Variants in TSPOAP1 observed in about 807,000 individuals in gnomAD.
The protein encoded by TSPOAP1 is TSPO associated protein 1.
A neutral mutation model predicts 197.0 loss-of-function variants in TSPOAP1; 87 were observed. That is an observed-to-expected ratio of 0.44 (90% CI 0.37 to 0.53). The LOEUF (loss-of-function observed/expected upper bound fraction) is 0.53. Among genes scored for constraint, TSPOAP1 ranks in the 20% least tolerant of loss-of-function variants. The pLI is 0.00. For missense variants in TSPOAP1, 2,174 were observed against 2,411.3 expected (o/e 0.90, Z 2.06); for synonymous variants, 913 against 998.9 (o/e 0.91, Z 1.62).
rs1971051010 is a variant in TSPOAP1, at chr17:58,310,639, G to A, written c.3572C>T (p.Ala1191Val). 1 of 1,613,096 alleles carries A rather than the reference G, an allele frequency of 6.2e-7. No individual in the cohort carries two copies. Among genetic ancestry groups the A allele is most frequent in the Non-Finnish European group, 8.5e-7 (1 of 1,180,004 alleles). Residue 1191 changes from alanine to valine, a missense_variant, in exon 20 of 32, where the codon GCC (alanine) becomes GTC (valine). Ala to Val is a moderately conservative substitution (Grantham distance 64). Around this residue, in one of 5 missense-constraint regions of TSPOAP1, gnomAD observed 1,933 missense variants for 2,139.0 expected, o/e 0.90. Transcript: ENST00000343736. Reference sequence around the variant, plus strand: ...ACAGGCCTCTCCTGCAGTCCACTCGGCCTCCTGCTTGGCCAGTGAGGGAGC... The same window carrying A: ...ACAGGCCTCTCCTGCAGTCCACTCGACCTCCTGCTTGGCCAGTGAGGGAGC... ...PAAPSLAKQE[A>V]EWTAGEACPA...
chr17:58,306,971 G>A lies in TSPOAP1; in HGVS notation c.4984-3C>T, dbSNP rs1970917237. On this transcript the variant is annotated splice_polypyrimidine_tract_variant and splice_region_variant and intron_variant, in intron 24 of 31. Coordinates refer to ENST00000343736, the MANE Select transcript of TSPOAP1 (RefSeq NM_004758.4). ...TCGGCATCCTTGTCCCCAAACACCTGGAGGCAAAACCAGTGGTCTCAGCCA... is the reference window on the plus strand; with the variant it reads ...TCGGCATCCTTGTCCCCAAACACCTAGAGGCAAAACCAGTGGTCTCAGCCA... 6.2e-7 allele frequency: 1 copy of A among 1,611,052 alleles called. No individual in the cohort carries two copies. Among genetic ancestry groups the A allele is most frequent in the African/African-American group, 1.3e-5 (1 of 74,908 alleles).
In TSPOAP1 at chr17:58,305,000, C is replaced by G. The variant is rs1218434799; in HGVS notation, c.5544+61G>C. ...CCCCTGCCGCAACACTGCCCTGGCCCTACCACCCCACCAGTAGGGTAGACT... is the reference window on the plus strand; with the variant it reads ...CCCCTGCCGCAACACTGCCCTGGCCGTACCACCCCACCAGTAGGGTAGACT... On this transcript the variant is annotated intron_variant, in intron 30 of 31. Coordinates refer to ENST00000343736, the MANE Select transcript of TSPOAP1 (RefSeq NM_004758.4). This position sits in a 1 kb window ranked among gnomAD's most constrained non-coding sequence, Gnocchi z 4.2. 6.0e-6 allele frequency: 8 copies of G among 1,329,982 alleles called. No homozygotes were observed. The highest frequency in any genetic ancestry group is 8.7e-6 in the Non-Finnish European group (8 of 920,882). 82.4% of individuals were successfully genotyped at this position (1,329,982 alleles called of 1,614,324 possible).
At position 58,324,946 on chromosome 17, in the gene TSPOAP1, C is replaced by T. The variant is rs1370569330; in HGVS notation, c.807G>A (p.Gln269=). 2 of 1,540,246 alleles carry T rather than the reference C, an allele frequency of 1.3e-6. No homozygotes were observed. The highest frequency in any genetic ancestry group is 1.7e-6 in the Non-Finnish European group (2 of 1,145,310). Residue 269 remains glutamine (Q), a synonymous_variant, in exon 5 of 32, where the codon CAG becomes CAA. Coordinates refer to ENST00000343736, the MANE Select transcript of TSPOAP1 (RefSeq NM_004758.4). The surrounding 1 kb of genome is among the most constrained non-coding windows in gnomAD (Gnocchi z 5.8). ...GCCTCTGCAGCCGCAGCACCTCCCG[C>T]TGGGACTCGCGCAGCAGCCGATCGA... The part of the protein sequence containing the change: ...RDFDRLLRES[Q]REVLRLQRQI...
chr17:58,305,750 G>A, intron 27 of TSPOAP1, 83 bp downstream of exon 27: 1 of 1,563,352 alleles, frequency 6.4e-7, no homozygotes, highest in South Asian at 1.1e-5. Flanking sequence ...CTCCCCACTA[G>A]CTGTAGCCAA....
Position 58,312,649 on chromosome 17 carries a change from CAGG to C in TSPOAP1, c.2169_2171del (p.Leu724del), listed in dbSNP as rs1291151760. On this transcript the variant is annotated inframe_deletion, in exon 17 of 32. Coordinates refer to ENST00000343736, the MANE Select transcript of TSPOAP1 (RefSeq NM_004758.4). Reference sequence around the variant, plus strand: ...CGGCCAGCTCTGGAGGGAGGGAGGTCAGGAGGTCATCATCCGACACACGCTCTA... The same window carrying C: ...CGGCCAGCTCTGGAGGGAGGGAGGTCAGGTCATCATCCGACACACGCTCTA... 2.3e-5 allele frequency: 37 copies of C among 1,613,742 alleles called. No individual in the cohort carries two copies. The highest frequency in any genetic ancestry group is 3.0e-5 in the Non-Finnish European group (35 of 1,180,030).
In TSPOAP1 at chr17:58,326,246, C is replaced by A. The variant is rs116821900; in HGVS notation, c.570+47G>T. On this transcript the variant is annotated intron_variant, in intron 3 of 31. Coordinates refer to ENST00000343736, the MANE Select transcript of TSPOAP1 (RefSeq NM_004758.4). The surrounding 1 kb of genome is among the most constrained non-coding windows in gnomAD (Gnocchi z 4.7). ...GCCCTCAGGCCCAGCCCTGGCTCCCCTCTTCCTTGGTCACCCAGCCTCCGC... is the reference window on the plus strand; with the variant it reads ...GCCCTCAGGCCCAGCCCTGGCTCCCATCTTCCTTGGTCACCCAGCCTCCGC... 8.0e-4 allele frequency: 1,282 copies of A among 1,608,894 alleles called. 10 individuals carry two copies. In the African/African-American group the frequency reaches 0.015, roughly 19 times the overall value.
chr17:58,326,240 G>T lies in TSPOAP1; in HGVS notation c.570+53C>A. 1.2e-6 allele frequency: 2 copies of T among 1,605,734 alleles called. No homozygotes were observed. The highest frequency in any genetic ancestry group is 1.7e-6 in the Non-Finnish European group (2 of 1,175,932). The stretch of plus-strand genomic sequence containing the variant: ...CAGACAGCCCTCAGGCCCAGCCCTG[G>T]CTCCCCTCTTCCTTGGTCACCCAGC... On this transcript the variant is annotated intron_variant, in intron 3 of 31. Coordinates refer to ENST00000343736, the MANE Select transcript of TSPOAP1 (RefSeq NM_004758.4). This position sits in a 1 kb window ranked among gnomAD's most constrained non-coding sequence, Gnocchi z 4.7.
intron 27 of TSPOAP1, 48 bp downstream of exon 27, chr17:58,305,785 C>A: frequency 1.2e-6 from 2 of 1,609,028 alleles, no homozygotes; most frequent in Non-Finnish European, 1.7e-6. Context: ...AGGGGCCACC[C>A]ACCCTATCTC....
Position 58,322,195 on chromosome 17 carries a change from A to G in TSPOAP1, c.1422+113T>C. On this transcript the variant is annotated intron_variant, in intron 10 of 31. Transcript: ENST00000343736. This position sits in a 1 kb window ranked among gnomAD's most constrained non-coding sequence, Gnocchi z 5.0. The stretch of plus-strand genomic sequence containing the variant: ...CTCAGGGACCTGGTCTTTGTTCCCC[A>G]CAGTCTCCCCGACGCCTAGCACAGT... 2.8e-6 allele frequency: 3 copies of G among 1,081,312 alleles called. No individual in the cohort carries two copies. The highest frequency in any genetic ancestry group is 3.0e-5 in the South Asian group (2 of 67,698). The allele number at this position is 1,081,312 out of a possible 1,614,324, so 67.0% of individuals were successfully genotyped here. A position where few individuals can be genotyped will look rare whatever the true frequency, so the allele number is the denominator to read the frequency against.
rs1475266454 is a variant in TSPOAP1 at position 58,314,330 on chromosome 17, CT to C, written c.2099-1609del. ...CATGTCCATGTTCTAATCCCCAGAA[CT>C]TGTGAACATGACCTTATTTGGAAAA... On this transcript the variant is annotated intron_variant, in intron 16 of 31. Transcript: ENST00000343736. Among the ~76,000 whole-genome samples the C allele has an allele frequency of 2.6e-5, 4 of 152,226 alleles. No homozygotes were observed. The East Asian group carries it at 7.7e-4, about 29-fold the overall frequency.
chr17:58,306,224 C>T (rs945188783), intron 26 of TSPOAP1, 118 bp downstream of exon 26: 21 of 1,091,048 alleles, frequency 1.9e-5, no homozygotes, highest in South Asian at 2.7e-5. Flanking sequence ...AGCCAAGCAG[C>T]GCCACCCACC....
Position 58,324,835 on chromosome 17 carries a change from C to T in TSPOAP1, c.918G>A (p.Ala306=). The T allele has an allele frequency of 6.8e-7, 1 of 1,478,376 alleles. No homozygotes were observed. Among genetic ancestry groups the T allele is most frequent in the Non-Finnish European group, 8.9e-7 (1 of 1,118,236 alleles). The allele number at this position is 1,478,376 out of a possible 1,614,324, so 91.6% of individuals were successfully genotyped here. ...PGPALQARAG[A]PAPGAPGEAT... The stretch of plus-strand genomic sequence containing the variant: ...CCTCTCCCGGGGCCCCGGGAGCAGG[C>T]GCCCCTGCTCTGGCCTGGAGAGCAG... The change falls in exon 5 of 32, where the codon GCG becomes GCA. Residue 306 remains alanine (A), a synonymous_variant. Transcript: ENST00000343736. The surrounding 1 kb of genome is among the most constrained non-coding windows in gnomAD (Gnocchi z 5.8).
At chr17:58,320,613 G>A (rs1971376928) in intron 10 of TSPOAP1, 32 bp from the exon 11 acceptor site, 4 of 1,394,496 alleles carry the variant, frequency 2.9e-6, no homozygotes, top group Non-Finnish European at 2.8e-6. Context: ...ATACTGGAGG[G>A]AAGGAGAAGG....
intron 29 of TSPOAP1, 103 bp downstream of exon 29, chr17:58,305,284 A>T (rs779381503): frequency 6.6e-7 from 1 of 1,507,968 alleles, no homozygotes; most frequent in Non-Finnish European, 9.2e-7. Context: ...CAGGGAGGTG[A>T]CCCGTTCCAT....
At position 58,309,496 on chromosome 17, in the gene TSPOAP1, C is replaced by G; in HGVS notation, c.3892-116G>C. 7 of 1,372,452 alleles carry G rather than the reference C, an allele frequency of 5.1e-6. No homozygotes were observed. Among genetic ancestry groups the G allele is most frequent in the Admixed American group, 2.6e-5 (1 of 37,758 alleles). 85.0% of individuals were successfully genotyped at this position (1,372,452 alleles called of 1,614,324 possible). A position where few individuals can be genotyped will look rare whatever the true frequency, so the allele number is the denominator to read the frequency against. ...CGAAGGCAGGGGTTACGGACAACCCCACAGCCCTCCCACGGCTTCCTCCGA... is the reference window on the plus strand; with the variant it reads ...CGAAGGCAGGGGTTACGGACAACCCGACAGCCCTCCCACGGCTTCCTCCGA... On this transcript the variant is annotated intron_variant, in intron 21 of 31. Coordinates refer to ENST00000343736, the MANE Select transcript of TSPOAP1 (RefSeq NM_004758.4). The surrounding 1 kb of genome is among the most constrained non-coding windows in gnomAD (Gnocchi z 5.0).
rs1371943648 is a variant in TSPOAP1, at chr17:58,310,125, C to T, written c.3733G>A (p.Val1245Met). 3 of 1,613,088 alleles carry T rather than the reference C, an allele frequency of 1.9e-6. No individual in the cohort carries two copies. Among genetic ancestry groups the T allele is most frequent in the African/African-American group, 2.7e-5 (2 of 74,910 alleles). Reference protein sequence around the residue: ...EDTAELGVHLVNSLVDHGRNS... With the variant: ...EDTAELGVHLMNSLVDHGRNS... ...CGGCCGTGGTCCACGAGGGAGTTCA[C>T]CAGATGAACCCCAAGCTCTGCTGTG... is the stretch of plus-strand genomic sequence containing the variant. The change falls in exon 21 of 32, where the codon GTG (valine) becomes ATG (methionine). Residue 1245 changes from valine (V) to methionine (M), a missense_variant. Val to Met is a conservative substitution (Grantham distance 21). Transcript: ENST00000343736.
chr17:58,304,633 G>T lies in TSPOAP1; in HGVS notation c.5545-234C>A. 1.7e-6 allele frequency: 1 copy of T among 587,190 alleles called. No homozygotes were observed. The highest frequency in any genetic ancestry group is 3.1e-6 in the Non-Finnish European group (1 of 327,766). 36.4% of individuals were successfully genotyped at this position (587,190 alleles called of 1,614,324 possible). On this transcript the variant is annotated intron_variant, in intron 30 of 31. Transcript: ENST00000343736. This position sits in a 1 kb window ranked among gnomAD's most constrained non-coding sequence, Gnocchi z 4.2. ...CACCCCAAGGAGAGGCAAGCTCAAGGAACGAGAACCCAGGAAGCTGGGCCT... is the reference window on the plus strand; with the variant it reads ...CACCCCAAGGAGAGGCAAGCTCAAGTAACGAGAACCCAGGAAGCTGGGCCT...
At position 58,318,899 on chromosome 17, in the gene TSPOAP1, G is replaced by A. The variant is rs529263315; in HGVS notation, c.1699+191C>T. On this transcript the variant is annotated intron_variant, in intron 13 of 31. Transcript: ENST00000343736. ...AGGAGCAGTGGCCCACGATGCCTGGGCCAGACTCTGGGACAGTCACTCCCC... is the reference window on the plus strand; with the variant it reads ...AGGAGCAGTGGCCCACGATGCCTGGACCAGACTCTGGGACAGTCACTCCCC... 1.0e-3 allele frequency among the ~76,000 whole-genome samples: 157 copies of A among 152,300 alleles called. 2 individuals carry two copies. The South Asian group carries it at 0.017, about 17-fold the overall frequency.
intron 1 of TSPOAP1, 25 bp downstream of exon 1, chr17:58,327,562 AC>A: frequency 6.3e-7 from 1 of 1,591,816 alleles, no homozygotes; most frequent in Non-Finnish European, 8.6e-7. Flanking sequence ...CACCTTGCAG[AC>A]CCCAGCCCTC....
Sources: gnomAD v4.1 joint callset for allele counts (sites outside exome capture counted in the v4.1 genomes callset) on GRCh38, gnomAD v4.1.1 for gene constraint, gnomAD v4.1.1 regional missense constraint, Gnocchi (gnomAD v3.1) non-coding constraint, MANE v1.5 for transcripts, NCBI Gene and HGNC (gene_info 2026-07-23, HGNC 2026-07-21) for gene names.